SLC35F2: variants seen among roughly 807,000 people sequenced by gnomAD.
SLC35F2 encodes solute carrier family 35 member F2.
SLC35F2 carries 25 observed loss-of-function variants against 38.1 expected under a neutral mutation model. The observed-to-expected ratio is 0.66, with a 90% CI of 0.48 to 0.92. SLC35F2 has a LOEUF of 0.92. Ranked by LOEUF, SLC35F2 falls within the 40% of genes least tolerant of loss-of-function variation. The pLI, the probability that SLC35F2 is intolerant of heterozygous loss-of-function variation, is 0.00. For missense variants in SLC35F2, 409 were observed against 452.9 expected, an observed-to-expected ratio of 0.90 and a Z score of 0.88; for synonymous variants, 173 against 181.7, an observed-to-expected ratio of 0.95 and a Z score of 0.38.
At chr11:107,847,258 C>T (rs543951013) in intron 1 of SLC35F2, among the ~76,000 whole-genome samples, 28 of 151,912 alleles carry the variant, frequency 1.8e-4, no homozygotes, top group Non-Finnish European at 3.7e-4. Flanking sequence ...GCTTTGTTGC[C>T]CAGGCTGGTC....
At chr11:107,815,237 A>G (rs752158360) in intron 2 of SLC35F2, among the ~76,000 whole-genome samples, 28 of 151,238 alleles carry the variant, frequency 1.9e-4, no homozygotes, top group Non-Finnish European at 3.1e-4. Context: ...TGGGGGGGAA[A>G]CCTAACTTGT....
intron 1 of SLC35F2, among the ~76,000 whole-genome samples, chr11:107,830,280 T>A (rs1456655438): frequency 6.6e-6 from 1 of 152,098 alleles, no homozygotes. Context: ...TTTAAAAACA[T>A]TATCCTAAGA....
At chr11:107,855,007 A>C (rs1860254546) in intron 1 of SLC35F2, among the ~76,000 whole-genome samples, 1 of 152,196 alleles carries the variant, frequency 6.6e-6, no homozygotes, top group Non-Finnish European at 1.5e-5. Flanking sequence ...TTTTGACAAC[A>C]AAGCTTAAAA....
chr11:107,818,072 AAAAGAAAGAAAGAAAGAAAGAAAG>A (rs1163903791), intron 1 of SLC35F2, among the ~76,000 whole-genome samples: 44 of 68,482 alleles, frequency 6.4e-4, no homozygotes, highest in Non-Finnish European at 9.0e-4. Flanking sequence ...AAAAAAAAAA[AAAAGAAAGAAAGAAAGAAAGAAAG>A]AAAGAAAGAA....
intron 1 of SLC35F2, among the ~76,000 whole-genome samples, chr11:107,834,048 ACTT>A (rs1191432683): frequency 6.6e-6 from 1 of 152,184 alleles, no homozygotes; most frequent in Non-Finnish European, 1.5e-5. Flanking sequence ...AATCCTGGGA[ACTT>A]CATACATTGT....
intron 2 of SLC35F2, among the ~76,000 whole-genome samples, chr11:107,812,838 A>G (rs574082739): frequency 1.3e-5 from 2 of 152,196 alleles, no homozygotes; most frequent in Non-Finnish European, 2.9e-5. Flanking sequence ...ACTTCTATTC[A>G]TGGGCTTCTT....
At chr11:107,811,335 GTA>G in intron 3 of SLC35F2, 1 of 771,914 alleles carries the variant, frequency 1.3e-6, no homozygotes, top group Non-Finnish European at 1.6e-6. Flanking sequence ...TAGAACAAAG[GTA>G]TACTTTCATA....
intron 2 of SLC35F2, among the ~76,000 whole-genome samples, chr11:107,815,084 AAG>A (rs758552546): frequency 6.6e-6 from 1 of 152,004 alleles, no homozygotes; most frequent in Non-Finnish European, 1.5e-5. Flanking sequence ...TATAAAAAAA[AAG>A]AGAGAGAGAC....
At chr11:107,819,324 A>G (rs1257716611) in intron 1 of SLC35F2, among the ~76,000 whole-genome samples, 2 of 152,038 alleles carry the variant, frequency 1.3e-5, no homozygotes, top group African/African-American at 2.4e-5. Context: ...AGGAATCTCC[A>G]CTCTCCAAAG....
chr11:107,858,690 C>A lies in SLC35F2; in HGVS notation c.78G>T (p.Leu26=). Residue 26 remains leucine, a synonymous_variant, in exon 1 of 8, where the codon CTG becomes CTT. Transcript: ENST00000525815. ...AEGAAAEFSS[L]LRRIKGKLFT... The stretch of plus-strand genomic sequence containing the variant: ...AGAGTTTGCCTTTTATCCTGCGCAG[C>A]AGGCTGGAGAACTCGGCCGCCGCTC... 1 of 1,302,158 alleles carries A rather than the reference C, an allele frequency of 7.7e-7. No homozygotes were observed. Among genetic ancestry groups the A allele is most frequent in the Admixed American group, 3.2e-5 (1 of 31,286 alleles). The allele number at this position is 1,302,158 out of a possible 1,614,324, so 80.7% of individuals were successfully genotyped here.
intron 6 of SLC35F2, chr11:107,803,655 T>G (rs764889182): frequency 6.8e-5 from 20 of 292,622 alleles, no homozygotes; most frequent in Non-Finnish European, 9.6e-5. Flanking sequence ...CTCATTAAAT[T>G]AAGTGCTCCG....
chr11:107,810,571 T>G (rs1478084638), intron 3 of SLC35F2: 1 of 985,254 alleles, frequency 1.0e-6, no homozygotes, highest in Non-Finnish European at 1.2e-6. Flanking sequence ...TCTAGGTAAC[T>G]GCTGGGTTTA....
chr11:107,830,440 T>G (rs563244606), intron 1 of SLC35F2, among the ~76,000 whole-genome samples: 1 of 151,874 alleles, frequency 6.6e-6, no homozygotes, highest in East Asian at 1.9e-4. Flanking sequence ...AAAAATTAGC[T>G]GGGCATGGTG....
intron 7 of SLC35F2, among the ~76,000 whole-genome samples, chr11:107,795,932 G>A (rs776919014): frequency 5.9e-5 from 9 of 152,124 alleles, no homozygotes; most frequent in Admixed American, 2.6e-4. Context: ...TCAAGAGTTC[G>A]AGACCAGCCT....
intron 7 of SLC35F2, among the ~76,000 whole-genome samples, chr11:107,796,202 T>C (rs1319186344): frequency 1.3e-5 from 2 of 152,120 alleles, no homozygotes; most frequent in Non-Finnish European, 2.9e-5. Context: ...AGAGCCACTA[T>C]GGAAAACAGT....
In SLC35F2 at chr11:107,815,877, A is replaced by G. The variant is rs1458952758; in HGVS notation, c.199T>C (p.Tyr67His). The change falls in exon 2 of 8, where the codon TAC (tyrosine) becomes CAC (histidine). Residue 67 changes from tyrosine to histidine, a missense_variant. Tyr to His is a moderately conservative substitution (Grantham distance 83). Transcript: ENST00000525815. ...AITSQYLAER[Y>H]KVNTPMLQSF... Reference sequence around the variant, plus strand: ...TGAAGCATGGGGGTGTTCACTTTGTATCTTTCTGCCAAATACTGGCTGGTG... The same window carrying G: ...TGAAGCATGGGGGTGTTCACTTTGTGTCTTTCTGCCAAATACTGGCTGGTG... 1.9e-6 allele frequency: 3 copies of G among 1,614,120 alleles called. No individual in the cohort carries two copies. The highest frequency in any genetic ancestry group is 2.2e-5 in the East Asian group (1 of 44,876).
chr11:107,805,100 A>G, intron 5 of SLC35F2: 1 of 985,446 alleles, frequency 1.0e-6, no homozygotes, highest in Non-Finnish European at 1.2e-6. Flanking sequence ...TTACTGGCAA[A>G]TGCCTCTACC....
rs576423826 is a variant in SLC35F2 at position 107,801,611 on chromosome 11, T to C, written c.939+1390A>G. On this transcript the variant is annotated intron_variant, in intron 7 of 7. Transcript: ENST00000525815. ...GGGCTTAAAATTTTAAAAAGAGTGA[T>C]CAGCAAGCCCTGGATCTAAGAAAAA... Among the ~76,000 whole-genome samples the C allele has an allele frequency of 7.8e-5, 11 of 141,582 alleles. No homozygotes were observed. The South Asian group carries it at 2.5e-3, about 33-fold the overall frequency. The allele number at this position is 141,582 out of a possible 152,430, so 92.9% of individuals were successfully genotyped here. A position where few individuals can be genotyped will look rare whatever the true frequency, so the allele number is the denominator to read the frequency against.
chr11:107,841,741 G>A lies in SLC35F2; in HGVS notation c.110+16917C>T, dbSNP rs546663137. On this transcript the variant is annotated intron_variant, in intron 1 of 7. Coordinates refer to ENST00000525815, the MANE Select transcript of SLC35F2 (RefSeq NM_017515.5). ...AATCCCAGCATTTTGGAAGGATGAG[G>A]CAGGTGGATCAGTTGAGGCCAGAAG... Among the ~76,000 whole-genome samples the A allele has an allele frequency of 3.3e-5, 5 of 152,164 alleles. No homozygotes were observed. The East Asian group carries it at 9.7e-4, about 29-fold the overall frequency.
Sources: allele counts gnomAD v4.1 joint callset (sites outside exome capture counted in the v4.1 genomes callset), GRCh38; gene constraint gnomAD v4.1.1; transcripts MANE v1.5; gene names NCBI Gene and HGNC (gene_info 2026-07-23, HGNC 2026-07-21).